NDEL1: variants seen among roughly 807,000 people sequenced by gnomAD.
NDEL1 encodes nudE neurodevelopment protein 1 like 1.
Under a neutral mutation model 45.7 loss-of-function variants are expected in NDEL1, and 9 were observed. That is an observed-to-expected ratio of 0.20 (90% CI 0.12 to 0.34). The LOEUF (loss-of-function observed/expected upper bound fraction) is 0.34, where lower values mean the gene tolerates loss of function less well. Ranked by LOEUF, NDEL1 falls within the 10% of genes least tolerant of loss-of-function variation. The probability of loss-of-function intolerance (pLI) is 1.00; values close to 1 mark genes in which losing one functional copy is unlikely to be tolerated. For missense variants in NDEL1, 306 were observed against 406.2 expected, an observed-to-expected ratio of 0.75 and a Z score of 2.12; for synonymous variants, 133 against 158.6, an observed-to-expected ratio of 0.84 and a Z score of 1.21.
intron 1 of NDEL1, among the ~76,000 whole-genome samples, chr17:8,438,135 A>G (rs986793895): frequency 6.6e-6 from 1 of 151,908 alleles, no homozygotes; most frequent in African/African-American, 2.4e-5. Flanking sequence ...ATTTTTGTAT[A>G]TTTAGTAGAG....
At chr17:8,435,811 C>T (rs999372418), upstream of NDEL1, 2 of 435,142 alleles carry the variant, frequency 4.6e-6, no homozygotes, top group Admixed American at 2.5e-5. Context: ...CCCCGCCCCG[C>T]ATACCCGTGC....
At chr17:8,428,323 G>GGTGGGTGT (rs1555556559) in intron 1 of NDEL1, among the ~76,000 whole-genome samples, 2 of 62,044 alleles carry the variant, frequency 3.2e-5, no homozygotes, top group Non-Finnish European at 6.4e-5. Context: ...AAGTGTGTGT[G>GGTGGGTGT]GTGTGTGTGT....
At chr17:8,415,371 G>GT (rs1301413315) in intron 1 of NDEL1, among the ~76,000 whole-genome samples, 3 of 151,486 alleles carry the variant, frequency 2.0e-5, no homozygotes, top group Non-Finnish European at 4.4e-5. Flanking sequence ...TAGAGACGAG[G>GT]TTTTGCCACT....
chr17:8,450,541 C>A (rs866781887), intron 5 of NDEL1, among the ~76,000 whole-genome samples: 2 of 152,222 alleles, frequency 1.3e-5, no homozygotes, highest in South Asian at 4.1e-4. Context: ...TTTCTTTTTG[C>A]ATATAAGCAT....
rs1270109461 is a variant in NDEL1 at position 8,448,690 on chromosome 17, A to G, written c.526+4A>G. ...AGGTTAAAGGATGAAGCAAGAGGTA[A>G]AATTTATAACTTAAAGAATACAGTT... is the stretch of plus-strand genomic sequence containing the variant. On this transcript the variant is annotated splice_donor_region_variant and intron_variant, in intron 5 of 8. Transcript: ENST00000334527. 4 of 1,607,308 alleles carry G rather than the reference A, an allele frequency of 2.5e-6. No homozygotes were observed. The highest frequency in any genetic ancestry group is 1.1e-5 in the South Asian group (1 of 90,724).
intron 1 of NDEL1, among the ~76,000 whole-genome samples, chr17:8,428,685 T>C (rs1289399455): frequency 6.7e-6 from 1 of 148,442 alleles, no homozygotes; most frequent in East Asian, 2.0e-4. Flanking sequence ...TTTTAAGATT[T>C]TTGTTTTTTT....
At position 8,426,631 on chromosome 17, in the gene NDEL1, A is replaced by C. The variant is rs544064112; in HGVS notation, c.-13+13362A>C. On this transcript the variant is annotated intron_variant, in intron 1 of 4. Coordinates refer to the NDEL1 transcript ENST00000582812. ...GGGATGAGAGCCAAGGATGATAGTG[A>C]AGCCTGAAGCTTGGGGAAGTCAGGA... 1.9e-3 allele frequency among the ~76,000 whole-genome samples: 288 copies of C among 152,238 alleles called. 1 individual carries two copies. The highest frequency in any genetic ancestry group is 6.7e-3 in the African/African-American group (280 of 41,544).
intron 5 of NDEL1, among the ~76,000 whole-genome samples, 154 bp from the exon 6 acceptor site, chr17:8,450,625 TC>T (rs1235821121): frequency 2.0e-5 from 3 of 152,238 alleles, no homozygotes; most frequent in Non-Finnish European, 2.9e-5. Context: ...CCATTTTTAT[TC>T]CCCTAGAAAT....
At chr17:8,453,217 A>G (rs578102042) in intron 6 of NDEL1, among the ~76,000 whole-genome samples, 1 of 152,294 alleles carries the variant, frequency 6.6e-6, no homozygotes, top group African/African-American at 2.4e-5. Flanking sequence ...GTTATTCTGG[A>G]TGCTGGGAGC....
At chr17:8,438,970 T>A (rs1204599191) in intron 1 of NDEL1, among the ~76,000 whole-genome samples, 1 of 150,196 alleles carries the variant, frequency 6.7e-6, no homozygotes, top group African/African-American at 2.5e-5. Context: ...GGAGTCTCTC[T>A]CTGTCACCCA....
At chr17:8,436,972 A>C (rs1909391635) in intron 1 of NDEL1, among the ~76,000 whole-genome samples, 2 of 152,194 alleles carry the variant, frequency 1.3e-5, no homozygotes, top group Admixed American at 6.5e-5. Flanking sequence ...CTTCTCAGCT[A>C]CAAAACAAGG....
At position 8,420,025 on chromosome 17, in the gene NDEL1, C is replaced by T. The variant is rs116545547; in HGVS notation, c.-13+6756C>T. ...GAAGACCTGAATTCTGTCCCTGAGT[C>T]GGCCACTAACGCAGTCTCATGTGTC... On this transcript the variant is annotated intron_variant, in intron 1 of 4. Coordinates refer to the NDEL1 transcript ENST00000582812. 2.0e-3 allele frequency among the ~76,000 whole-genome samples: 308 copies of T among 152,322 alleles called. 2 individuals carry two copies. The highest frequency in any genetic ancestry group is 6.8e-3 in the African/African-American group (284 of 41,560).
At chr17:8,428,323 GGTGTGT>G (rs61341198) in intron 1 of NDEL1, among the ~76,000 whole-genome samples, 48 of 62,050 alleles carry the variant, frequency 7.7e-4, no homozygotes, top group African/African-American at 2.9e-3. Context: ...AAGTGTGTGT[GGTGTGT>G]GTGTGTGTGT....
At chr17:8,417,153 G>A (rs1232820965) in intron 1 of NDEL1, among the ~76,000 whole-genome samples, 1 of 150,740 alleles carries the variant, frequency 6.6e-6, no homozygotes, top group Non-Finnish European at 1.5e-5. Flanking sequence ...CTCTTGCTCT[G>A]TCTCCCAGGC....
chr17:8,446,021 A>G, intron 3 of NDEL1, 157 bp downstream of exon 3: 1 of 686,268 alleles, frequency 1.5e-6, no homozygotes, highest in South Asian at 4.2e-5. Context: ...TCACGGAACC[A>G]GGGGAAAAGG....
intron 6 of NDEL1, among the ~76,000 whole-genome samples, chr17:8,452,854 C>T (rs1178523861): frequency 6.7e-6 from 1 of 149,628 alleles, no homozygotes; most frequent in Non-Finnish European, 1.5e-5. Context: ...ATTCTCCTGC[C>T]TTGGCCTCCC....
intron 1 of NDEL1, among the ~76,000 whole-genome samples, chr17:8,416,541 T>C (rs1908549918): frequency 1.3e-5 from 2 of 152,212 alleles, no homozygotes; most frequent in African/African-American, 4.8e-5. Context: ...TCTTCTGCTA[T>C]TATGATTCAG....
At chr17:8,444,550 T>A (rs1264758447) in intron 2 of NDEL1, 193 bp downstream of exon 2, 1 of 448,438 alleles carries the variant, frequency 2.2e-6, no homozygotes, top group Non-Finnish European at 4.0e-6. Flanking sequence ...CTTTATATTG[T>A]TCAAATTATT....
chr17:8,434,266 C>T (rs1170306623), upstream of NDEL1, among the ~76,000 whole-genome samples: 1 of 152,146 alleles, frequency 6.6e-6, no homozygotes, highest in Non-Finnish European at 1.5e-5. Context: ...CACTCTGTCG[C>T]CCAGGTTAGA....
Sources: gnomAD v4.1 joint callset for allele counts (sites outside exome capture counted in the v4.1 genomes callset) on GRCh38, gnomAD v4.1.1 for gene constraint, MANE v1.5 for transcripts, NCBI Gene and HGNC (gene_info 2026-07-23, HGNC 2026-07-21) for gene names.